FOXN3: variants seen among roughly 807,000 people sequenced by gnomAD.
FOXN3 encodes forkhead box protein N3.
A neutral mutation model predicts 38.4 loss-of-function variants in FOXN3; 7 were observed. That is an observed-to-expected ratio of 0.18 (90% CI 0.10 to 0.34). The LOEUF is 0.34. Among genes scored for constraint, FOXN3 ranks in the 10% least tolerant of loss-of-function variants. The pLI is 1.00. For synonymous variants in FOXN3, 230 were observed against 242.2 expected, an observed-to-expected ratio of 0.95 and a Z score of 0.47; for missense variants, 456 against 613.4, an observed-to-expected ratio of 0.74 and a Z score of 2.71.
chr14:89,274,889 G>C (rs1304444987), intron 4 of FOXN3, among the ~76,000 whole-genome samples: 1 of 152,234 alleles, frequency 6.6e-6, no homozygotes, highest in Non-Finnish European at 1.5e-5. Flanking sequence ...TGCCCAAACA[G>C]ATGGGCAAGA....
intron 4 of FOXN3, among the ~76,000 whole-genome samples, chr14:89,204,052 TACACACACACACACACACACACACACAC>T (rs10559428): frequency 2.2e-5 from 3 of 133,676 alleles, no homozygotes; most frequent in Non-Finnish European, 3.2e-5. Context: ...CATACTCCCT[TACACACACACACACACACACACACACAC>T]ACACACACAC....
chr14:89,259,683 C>T (rs769367728), intron 4 of FOXN3, among the ~76,000 whole-genome samples: 1 of 152,168 alleles, frequency 6.6e-6, no homozygotes, highest in Non-Finnish European at 1.5e-5. Flanking sequence ...CATTGACATA[C>T]AGCCTCTCAC....
At chr14:89,305,917 T>C (rs1887355741) in intron 3 of FOXN3, among the ~76,000 whole-genome samples, 1 of 152,230 alleles carries the variant, frequency 6.6e-6, no homozygotes, top group Non-Finnish European at 1.5e-5. Flanking sequence ...TTATAATTTG[T>C]GGAAGCATGT....
intron 1 of FOXN3, among the ~76,000 whole-genome samples, chr14:89,590,137 CA>C (rs1895920888): frequency 6.7e-6 from 1 of 149,318 alleles, no homozygotes; most frequent in African/African-American, 2.6e-5. Context: ...CAATAGAGAA[CA>C]TTTTTTTTTT....
intron 4 of FOXN3, among the ~76,000 whole-genome samples, chr14:89,243,192 T>A (rs1215473135): frequency 6.6e-6 from 1 of 152,282 alleles, no homozygotes; most frequent in East Asian, 1.9e-4. Context: ...GGTATATTCA[T>A]ATCTAGAACA....
intron 4 of FOXN3, among the ~76,000 whole-genome samples, chr14:89,251,495 T>C (rs1444288896): frequency 4.6e-5 from 7 of 152,364 alleles, no homozygotes; most frequent in African/African-American, 1.7e-4. Context: ...TAAACATATG[T>C]TAACCAATCA....
At chr14:89,395,255 C>A (rs966106168) in intron 2 of FOXN3, among the ~76,000 whole-genome samples, 1 of 152,048 alleles carries the variant, frequency 6.6e-6, no homozygotes, top group Non-Finnish European at 1.5e-5. Context: ...AACACGTGTC[C>A]GGGACAATTC....
chr14:89,212,216 T>C (rs1204597768), intron 4 of FOXN3, among the ~76,000 whole-genome samples: 2 of 152,230 alleles, frequency 1.3e-5, no homozygotes, highest in African/African-American at 4.8e-5. Flanking sequence ...TGGAATAGAA[T>C]AAGACATGTT....
chr14:89,474,406 G>A, intron 1 of FOXN3, among the ~76,000 whole-genome samples: 1 of 152,206 alleles, frequency 6.6e-6, no homozygotes, highest in Non-Finnish European at 1.5e-5. Context: ...ATTCCAAGGT[G>A]CCGAGGGCCA....
chr14:89,473,331 G>A (rs1190075939), intron 1 of FOXN3, among the ~76,000 whole-genome samples: 1 of 150,520 alleles, frequency 6.6e-6, no homozygotes, highest in Non-Finnish European at 1.5e-5. Flanking sequence ...GCCAGAAGGT[G>A]ATCATTTTAA....
At position 89,372,762 on chromosome 14, in the gene FOXN3, C is replaced by CA. The variant is rs1217605297; in HGVS notation, c.544-21955dup. Among the ~76,000 whole-genome samples, 8 of 150,830 alleles carry CA rather than the reference C, an allele frequency of 5.3e-5. No individual in the cohort carries two copies. The East Asian group carries it at 1.5e-3, about 29-fold the overall frequency. On this transcript the variant is annotated intron_variant, in intron 2 of 5. Coordinates refer to ENST00000557258, the MANE Select transcript of FOXN3 (RefSeq NM_005197.4). ...TCCAGCAAACCTACAAGATATAAAA[C>CA]AAAAAACACCACACTAATAACAATA...
intron 1 of FOXN3, among the ~76,000 whole-genome samples, chr14:89,556,919 G>C: frequency 6.6e-6 from 1 of 152,148 alleles, no homozygotes; most frequent in East Asian, 1.9e-4. Flanking sequence ...ATGGATGATG[G>C]GGGCAAAAAC....
At chr14:89,521,364 G>T (rs960257926) in intron 1 of FOXN3, among the ~76,000 whole-genome samples, 156 of 151,590 alleles carry the variant, frequency 1.0e-3, no homozygotes, top group African/African-American at 2.4e-3. Context: ...TAGATAGAGA[G>T]AGAGAGAGAG....
rs920312908 is a variant in FOXN3, at chr14:89,225,309, A to G, written c.746-44503T>C. Among the ~76,000 whole-genome samples the G allele has an allele frequency of 2.0e-5, 3 of 151,516 alleles. No individual in the cohort carries two copies. In the East Asian group the frequency reaches 5.9e-4, roughly 30 times the overall value. On this transcript the variant is annotated intron_variant, in intron 4 of 5. Transcript: ENST00000557258. ...GACAGAGTGAGACTGTCTCTGAAAA[A>G]TATATAATACAAAAGCCGGGCACAG...
chr14:89,476,810 T>C (rs1596290125), intron 1 of FOXN3, among the ~76,000 whole-genome samples: 1 of 152,176 alleles, frequency 6.6e-6, no homozygotes, highest in Admixed American at 6.5e-5. Flanking sequence ...AAAGTCTTCA[T>C]TGCTGGTGTA....
chr14:89,486,182 C>G (rs1443988561), intron 1 of FOXN3, among the ~76,000 whole-genome samples: 1 of 152,166 alleles, frequency 6.6e-6, no homozygotes, highest in Non-Finnish European at 1.5e-5. Context: ...TTGAACTCAA[C>G]TAAAAGTACA....
At chr14:89,349,558 T>C (rs1339235342) in intron 3 of FOXN3, 2 of 152,786 alleles carry the variant, frequency 1.3e-5, no homozygotes, top group Admixed American at 6.5e-5. Context: ...CGCGTTACTA[T>C]GGAGACGCTC....
intron 3 of FOXN3, among the ~76,000 whole-genome samples, chr14:89,326,868 C>T (rs541303019): frequency 2.0e-5 from 3 of 152,262 alleles, no homozygotes; most frequent in African/African-American, 7.2e-5. Flanking sequence ...AATATTTAGC[C>T]ACTACAACTC....
intron 2 of FOXN3, chr14:89,364,300 T>A (rs2140047509): frequency 6.6e-6 from 1 of 152,136 alleles, no homozygotes; most frequent in Middle Eastern, 3.4e-3. Flanking sequence ...AGAGAAAGTT[T>A]CAGTTTTATG....
Sources: allele counts gnomAD v4.1 joint callset (sites outside exome capture counted in the v4.1 genomes callset), GRCh38; gene constraint gnomAD v4.1.1; transcripts MANE v1.5; gene names NCBI Gene and HGNC (gene_info 2026-07-23, HGNC 2026-07-21).